Variants in RALGPS2 observed in about 807,000 individuals in gnomAD.
RALGPS2 encodes the protein Ral GEF with PH domain and SH3 binding motif 2.
In RALGPS2, 43 loss-of-function variants were observed where a neutral mutation model predicts 86.8. That is an observed-to-expected ratio of 0.50 (90% CI 0.39 to 0.64). RALGPS2 has a LOEUF of 0.64. Among genes scored for constraint, RALGPS2 ranks in the 30% least tolerant of loss-of-function variants. The probability of loss-of-function intolerance (pLI) is 0.00; values close to 1 mark genes in which losing one functional copy is unlikely to be tolerated. For synonymous variants in RALGPS2, 243 were observed against 231.3 expected, an observed-to-expected ratio of 1.05 and a Z score of -0.46; for missense variants, 536 against 694.6, an observed-to-expected ratio of 0.77 and a Z score of 2.57.
At chr1:178,860,259 G>A (rs12127931) in intron 8 of RALGPS2, among the ~76,000 whole-genome samples, 68,095 of 148,162 alleles carry the variant, frequency 0.46, 16,776 homozygotes, top group African/African-American at 0.66. Context: ...ATTGATTGCA[G>A]CTTGTCAGGT....
intron 8 of RALGPS2, among the ~76,000 whole-genome samples, chr1:178,836,360 A>G (rs1159763838): frequency 6.6e-6 from 1 of 152,198 alleles, no homozygotes; most frequent in African/African-American, 2.4e-5. Flanking sequence ...CATTTTTCCC[A>G]TCATCTCCAA....
chr1:178,736,100 G>A (rs890093485), intron 1 of RALGPS2, among the ~76,000 whole-genome samples: 5 of 151,084 alleles, frequency 3.3e-5, no homozygotes, highest in African/African-American at 1.2e-4. Flanking sequence ...TTGGCAGTTA[G>A]CTTTAAAAAC....
At chr1:178,727,045 A>C (rs1650058740) in intron 1 of RALGPS2, among the ~76,000 whole-genome samples, 1 of 152,262 alleles carries the variant, frequency 6.6e-6, no homozygotes, top group African/African-American at 2.4e-5. Flanking sequence ...CTTTGTAGGC[A>C]TGAAGTTTAT....
At chr1:178,856,196 GAGAGAGATATATATATATATATATATAT>G (rs1458714871) in intron 8 of RALGPS2, among the ~76,000 whole-genome samples, 3 of 41,054 alleles carry the variant, frequency 7.3e-5, no homozygotes, top group Non-Finnish European at 1.0e-4. Context: ...TTTCCAGAGA[GAGAGAGATATATATATATATATATATAT>G]ATATATATAT....
At position 178,812,542 on chromosome 1, in the gene RALGPS2, A is replaced by G. The variant is rs939177509; in HGVS notation, c.387+1138A>G. 7.2e-5 allele frequency among the ~76,000 whole-genome samples: 11 copies of G among 152,348 alleles called. No individual in the cohort carries two copies. In the East Asian group the frequency reaches 2.1e-3, roughly 29 times the overall value. Reference sequence around the variant, plus strand: ...TCTCCTCCACAAAGGGCAGCTTTTCAGGGCTATATCTGTCCGTAGGCCCTC... The same window carrying G: ...TCTCCTCCACAAAGGGCAGCTTTTCGGGGCTATATCTGTCCGTAGGCCCTC... On this transcript the variant is annotated intron_variant, in intron 6 of 19. Coordinates refer to ENST00000367635, the MANE Select transcript of RALGPS2 (RefSeq NM_152663.5).
intron 4 of RALGPS2, among the ~76,000 whole-genome samples, chr1:178,801,178 G>A (rs907559316): frequency 9.9e-5 from 15 of 151,906 alleles, no homozygotes; most frequent in African/African-American, 3.4e-4. Context: ...CACCTGCCTC[G>A]GCCTCCCAAA....
chr1:178,872,290 A>C (rs1043441260), intron 8 of RALGPS2, among the ~76,000 whole-genome samples: 1 of 152,186 alleles, frequency 6.6e-6, no homozygotes, highest in Non-Finnish European at 1.5e-5. Context: ...TTGAATTCCT[A>C]TGCCATATAT....
At chr1:178,866,703 A>G (rs1658434516) in intron 8 of RALGPS2, among the ~76,000 whole-genome samples, 1 of 152,166 alleles carries the variant, frequency 6.6e-6, no homozygotes, top group Non-Finnish European at 1.5e-5. Context: ...TACTCTGTGC[A>G]TGTTGAAGGC....
At chr1:178,886,604 G>A (rs144897747) in intron 13 of RALGPS2, among the ~76,000 whole-genome samples, 68 of 152,256 alleles carry the variant, frequency 4.5e-4, no homozygotes, top group African/African-American at 1.6e-3. Context: ...TCTGGAGCTC[G>A]GGGATAAGGT....
chr1:178,798,643 T>C (rs1360902896), intron 4 of RALGPS2, among the ~76,000 whole-genome samples: 4 of 152,130 alleles, frequency 2.6e-5, no homozygotes, highest in Non-Finnish European at 5.9e-5. Context: ...TCGTTTTTTT[T>C]TTAAAAAGGA....
At chr1:178,785,891 A>G (rs1436287015) in intron 4 of RALGPS2, among the ~76,000 whole-genome samples, 1 of 152,006 alleles carries the variant, frequency 6.6e-6, no homozygotes, top group African/African-American at 2.4e-5. Flanking sequence ...ATTCCCTGCA[A>G]ACTTAACTTC....
intron 4 of RALGPS2, among the ~76,000 whole-genome samples, chr1:178,790,142 G>T (rs182746136): frequency 3.3e-5 from 5 of 152,106 alleles, no homozygotes; most frequent in African/African-American, 1.2e-4. Context: ...TTTAGAGACA[G>T]GGTCTCGTTG....
rs1045948769 is a variant in RALGPS2, at chr1:178,918,471, T to C, written c.*2112T>C. On this transcript the variant is annotated 3_prime_UTR_variant, in exon 20 of 20. Coordinates refer to ENST00000367635, the MANE Select transcript of RALGPS2 (RefSeq NM_152663.5). ...TAACCATATCTGTGGAAATATGCAG[T>C]TGGAAGTCAGAGCCTGACATCACAT... 3.3e-5 allele frequency: 5 copies of C among 152,092 alleles called. No individual in the cohort carries two copies. The highest frequency in any genetic ancestry group is 7.4e-5 in the Non-Finnish European group (5 of 67,966). 9.4% of individuals were successfully genotyped at this position (152,092 alleles called of 1,614,324 possible).
chr1:178,787,747 A>C (rs1016947899), intron 4 of RALGPS2, among the ~76,000 whole-genome samples: 1 of 152,204 alleles, frequency 6.6e-6, no homozygotes, highest in Non-Finnish European at 1.5e-5. Context: ...TTAACCTCCT[A>C]AGTACCTTAT....
intron 1 of RALGPS2, chr1:178,747,195 C>T (rs1651386478): frequency 1.7e-6 from 2 of 1,200,804 alleles, no homozygotes; most frequent in Admixed American, 3.4e-5. Context: ...CCAGTGCCTG[C>T]ACTACGGTGG....
At chr1:178,818,697 C>T (rs1655352031) in intron 6 of RALGPS2, among the ~76,000 whole-genome samples, 1 of 152,202 alleles carries the variant, frequency 6.6e-6, no homozygotes, top group Non-Finnish European at 1.5e-5. Context: ...ACAGATTTTA[C>T]TTTAGCAAAA....
At position 178,921,837 on chromosome 1, in the gene RALGPS2, A is replaced by G. The variant is rs1334758823; in HGVS notation, c.*5478A>G. 6.6e-6 allele frequency: 1 copy of G among 152,130 alleles called. No individual in the cohort carries two copies. Among genetic ancestry groups the G allele is most frequent in the African/African-American group, 2.4e-5 (1 of 41,448 alleles). The allele number at this position is 152,130 out of a possible 1,614,324, so 9.4% of individuals were successfully genotyped here. On this transcript the variant is annotated 3_prime_UTR_variant, in exon 20 of 20. Transcript: ENST00000367635. ...TTTCTATTGAAATAAATTACTTAAA[A>G]TTATAGATTGGGTGAGGATGTTTTT...
intron 6 of RALGPS2, among the ~76,000 whole-genome samples, chr1:178,814,237 T>G (rs1209957962): frequency 6.6e-6 from 1 of 152,272 alleles, no homozygotes; most frequent in Non-Finnish European, 1.5e-5. Context: ...TTAATGGTTT[T>G]GGGAGTAGCT....
rs536339692 is a variant in RALGPS2 at position 178,862,767 on chromosome 1, C to T, written c.608-14731C>T. On this transcript the variant is annotated intron_variant, in intron 8 of 19. Transcript: ENST00000367635. Reference sequence around the variant, plus strand: ...TTGTGAAGGAAACTAGTGGAAGGTCCGCTAGGAAAGTAGGCTTCATTCTTT... The same window carrying T: ...TTGTGAAGGAAACTAGTGGAAGGTCTGCTAGGAAAGTAGGCTTCATTCTTT... Among the ~76,000 whole-genome samples, 44 of 152,028 alleles carry T rather than the reference C, an allele frequency of 2.9e-4. 1 individual carries two copies. The East Asian group carries it at 3.5e-3, about 12-fold the overall frequency.
Sources: allele counts gnomAD v4.1 joint callset (sites outside exome capture counted in the v4.1 genomes callset), GRCh38; gene constraint gnomAD v4.1.1; transcripts MANE v1.5; gene names NCBI Gene and HGNC (gene_info 2026-07-23, HGNC 2026-07-21).